RB1CC1: variants seen among roughly 807,000 people sequenced by gnomAD.
The protein encoded by RB1CC1 is RB1-inducible coiled-coil protein 1.
Under a neutral mutation model 177.5 loss-of-function variants are expected in RB1CC1, and 46 were observed. The observed-to-expected ratio is 0.26, with a 90% CI of 0.20 to 0.33. The LOEUF is 0.33. Among genes scored for constraint, RB1CC1 ranks in the 10% least tolerant of loss-of-function variants. RB1CC1 has a pLI of 1.00. For missense variants in RB1CC1, 1,703 were observed against 1,816.3 expected, an observed-to-expected ratio of 0.94 and a Z score of 1.13; for synonymous variants, 666 against 613.6, an observed-to-expected ratio of 1.09 and a Z score of -1.26.
intron 15 of RB1CC1, among the ~76,000 whole-genome samples, chr8:52,651,121 A>G (rs1850534689): frequency 6.6e-6 from 1 of 152,244 alleles, no homozygotes. Flanking sequence ...AGATCTAATG[A>G]CAGTTACAAG....
At chr8:52,703,080 T>C (rs765404828) in intron 1 of RB1CC1, among the ~76,000 whole-genome samples, 1 of 151,992 alleles carries the variant, frequency 6.6e-6, no homozygotes, top group Non-Finnish European at 1.5e-5. Flanking sequence ...TTTTCAGCAG[T>C]TTCTTTATCA....
intron 7 of RB1CC1, among the ~76,000 whole-genome samples, chr8:52,671,796 C>G (rs531312742): frequency 3.9e-5 from 6 of 152,116 alleles, no homozygotes; most frequent in African/African-American, 1.4e-4. Flanking sequence ...TGGTTTGCTG[C>G]ACAGATCATC....
intron 19 of RB1CC1, 98 bp from the exon 20 acceptor site, chr8:52,635,066 G>A (rs1003987567): frequency 9.0e-7 from 1 of 1,106,962 alleles, no homozygotes; most frequent in Non-Finnish European, 1.3e-6. Flanking sequence ...AAAATGTTTG[G>A]TTCGGGTATG....
chr8:52,653,821 T>G (rs1850846080), intron 15 of RB1CC1, among the ~76,000 whole-genome samples: 1 of 152,180 alleles, frequency 6.6e-6, no homozygotes, highest in African/African-American at 2.4e-5. Flanking sequence ...TTAAGCATCA[T>G]GTCAGGGCTC....
Position 52,698,666 on chromosome 8 carries a change from GTTGGTTTTTTTTTTTTTTTTTTTTTTT to G in RB1CC1, c.-166-11726_-166-11700del. 7.7e-4 allele frequency among the ~76,000 whole-genome samples: 2 copies of G among 2,604 alleles called. 1 individual carries two copies. The highest frequency in any genetic ancestry group is 2.4e-3 in the Non-Finnish European group (2 of 838). The allele number at this position is 2,604 out of a possible 152,430, so 1.7% of individuals were successfully genotyped here. On this transcript the variant is annotated intron_variant, in intron 1 of 23. Transcript: ENST00000025008. ...ATTAACAAAAACTGTATATGTAATG[GTTGGTTTTTTTTTTTTTTTTTTTTTTT>G]TTTTTTTTTTTTTTTTTTTTTTTTT... is the stretch of plus-strand genomic sequence containing the variant.
At chr8:52,640,620 C>T (rs1849494918) in intron 18 of RB1CC1, among the ~76,000 whole-genome samples, 1 of 152,062 alleles carries the variant, frequency 6.6e-6, no homozygotes, top group East Asian at 1.9e-4. Context: ...GCTCTAGGTA[C>T]CTCTCCTATA....
chr8:52,627,988 TCC>T (rs748120444), intron 22 of RB1CC1, 42 bp downstream of exon 22: 110 of 1,475,864 alleles, frequency 7.5e-5, no homozygotes, highest in Non-Finnish European at 9.4e-5. Flanking sequence ...TTATATAATT[TCC>T]TCCATTCCAG....
At position 52,669,597 on chromosome 8, in the gene RB1CC1, G is replaced by T. The variant is rs564764024; in HGVS notation, c.1003-1406C>A. On this transcript the variant is annotated intron_variant, in intron 7 of 23. Transcript: ENST00000025008. ...TAACAAAACCATTATTTCAGAATAGGCACCACTAGTTTTGCACAATGTTGT... is the reference window on the plus strand; with the variant it reads ...TAACAAAACCATTATTTCAGAATAGTCACCACTAGTTTTGCACAATGTTGT... 2.0e-5 allele frequency among the ~76,000 whole-genome samples: 3 copies of T among 152,212 alleles called. No homozygotes were observed. In the East Asian group the frequency reaches 5.8e-4, roughly 29 times the overall value.
chr8:52,683,861 G>T, intron 4 of RB1CC1, 26 bp downstream of exon 4: 1 of 1,605,910 alleles, frequency 6.2e-7, no homozygotes, highest in East Asian at 2.2e-5. Context: ...TTGCATTCTT[G>T]TGTGAAAGGA....
chr8:52,659,112 A>T, intron 12 of RB1CC1, 136 bp from the exon 13 acceptor site: 1 of 470,528 alleles, frequency 2.1e-6, no homozygotes. Flanking sequence ...AGAAACAAAA[A>T]AAGACCATTC....
rs1440759873 is a variant in RB1CC1, at chr8:52,628,396, TTCTTTAA to T, written c.4500-235_4500-229del. 1.6e-4 allele frequency among the ~76,000 whole-genome samples: 25 copies of T among 152,266 alleles called. 1 individual carries two copies. In the South Asian group the frequency reaches 5.2e-3, roughly 32 times the overall value. ...TCAGGGGCTGTCAAAAACCAAAAAT[TTCTTTAA>T]TAAAGTTTCCATTATCTAACGTTAA... On this transcript the variant is annotated intron_variant, in intron 21 of 23. Coordinates refer to ENST00000025008, the MANE Select transcript of RB1CC1 (RefSeq NM_014781.5).
chr8:52,669,637 G>C (rs1026629731), intron 7 of RB1CC1, among the ~76,000 whole-genome samples: 2 of 152,118 alleles, frequency 1.3e-5, no homozygotes, highest in African/African-American at 2.4e-5. Flanking sequence ...ACTGCTACTT[G>C]TACATTTGTG....
chr8:52,642,904 A>G, intron 16 of RB1CC1, 92 bp from the exon 17 acceptor site: 1 of 1,281,586 alleles, frequency 7.8e-7, no homozygotes, highest in East Asian at 2.7e-5. Flanking sequence ...TTTCTGTGGC[A>G]CATTTGTACA....
In RB1CC1 at chr8:52,622,590, A is replaced by G. The variant is rs573779813; in HGVS notation, c.*1192T>C. ...TAACTTATTTTTATGAAGAAATTAA[A>G]TATTTTCTGAAAAAGAATTATTTTA... On this transcript the variant is annotated 3_prime_UTR_variant, in exon 24 of 24. Coordinates refer to ENST00000025008, the MANE Select transcript of RB1CC1 (RefSeq NM_014781.5). The G allele has an allele frequency of 2.6e-5, 4 of 152,170 alleles. No individual in the cohort carries two copies. The East Asian group carries it at 7.7e-4, about 29-fold the overall frequency. 9.4% of individuals were successfully genotyped at this position (152,170 alleles called of 1,614,324 possible). A position where few individuals can be genotyped will look rare whatever the true frequency, so the allele number is the denominator to read the frequency against.
At chr8:52,641,154 T>C (rs10098262) in intron 18 of RB1CC1, among the ~76,000 whole-genome samples, 112,894 of 151,418 alleles carry the variant, frequency 0.75, 42,731 homozygotes, top group African/African-American at 0.88. Context: ...GAGGCTGAGG[T>C]GAGTGGATCA....
Position 52,661,733 on chromosome 8 carries a change from A to C in RB1CC1, c.1174-14T>G. 6.5e-7 allele frequency: 1 copy of C among 1,529,798 alleles called. No homozygotes were observed. The highest frequency in any genetic ancestry group is 8.8e-7 in the Non-Finnish European group (1 of 1,141,452). 94.8% of individuals were successfully genotyped at this position (1,529,798 alleles called of 1,614,324 possible). On this transcript the variant is annotated splice_polypyrimidine_tract_variant and intron_variant, in intron 8 of 23. Coordinates refer to ENST00000025008, the MANE Select transcript of RB1CC1 (RefSeq NM_014781.5). ...AGCTAAAAATCCCTTTGAGAAAAAA[A>C]ATGTTTCAAAGGACATTAATTTTGT...
At chr8:52,639,557 C>A (rs553054477) in intron 18 of RB1CC1, among the ~76,000 whole-genome samples, 1 of 152,142 alleles carries the variant, frequency 6.6e-6, no homozygotes, top group African/African-American at 2.4e-5. Flanking sequence ...ATGAAAAATA[C>A]TTCTAAATGT....
At chr8:52,655,974 AATTTT>A (rs1379368903) in intron 15 of RB1CC1, 29 bp downstream of exon 15, 5 of 1,465,794 alleles carry the variant, frequency 3.4e-6, no homozygotes. Context: ...CTGATATTTT[AATTTT>A]ATAATTACAG....
intron 18 of RB1CC1, among the ~76,000 whole-genome samples, chr8:52,641,485 G>A (rs967223942): frequency 6.6e-6 from 1 of 151,774 alleles, no homozygotes; most frequent in Non-Finnish European, 1.5e-5. Flanking sequence ...TATCATAACT[G>A]TTATCTTGAT....
Sources: allele counts gnomAD v4.1 joint callset (sites outside exome capture counted in the v4.1 genomes callset), GRCh38; gene constraint gnomAD v4.1.1; transcripts MANE v1.5; gene names NCBI Gene and HGNC (gene_info 2026-07-23, HGNC 2026-07-21).